The following HERC2 variants were observed in gnomAD, a reference collection of about 807,000 sequenced individuals.
HERC2 encodes the protein E3 ubiquitin-protein ligase HERC2.
A neutral mutation model predicts 537.7 loss-of-function variants in HERC2; 102 were observed. The observed-to-expected ratio is 0.19, with a 90% CI of 0.16 to 0.22. HERC2 has a LOEUF of 0.22. Ranked by LOEUF, HERC2 falls within the 10% of genes least tolerant of loss-of-function variation. The pLI, the probability that HERC2 is intolerant of heterozygous loss-of-function variation, is 1.00. For missense variants in HERC2, 4,236 were observed against 6,198.2 expected (o/e 0.68, Z 10.63); for synonymous variants, 2,224 against 2,466.2 (o/e 0.90, Z 2.91).
chr15:28,317,647 G>C (rs983970996), intron 2 of HERC2, among the ~76,000 whole-genome samples: 8 of 152,216 alleles, frequency 5.3e-5, no homozygotes, highest in African/African-American at 1.9e-4. Context: ...AGGAGTTAGA[G>C]ATGGTGGCAG....
At chr15:28,290,437 C>T (rs904214963) in intron 4 of HERC2, among the ~76,000 whole-genome samples, 3 of 152,094 alleles carry the variant, frequency 2.0e-5, no homozygotes, top group Admixed American at 6.5e-5. Context: ...ACCATGTTGG[C>T]CAGGCTGGTC....
At chr15:28,308,925 G>GT (rs2076865904) in intron 2 of HERC2, among the ~76,000 whole-genome samples, 1 of 152,196 alleles carries the variant, frequency 6.6e-6, no homozygotes, top group Non-Finnish European at 1.5e-5. Context: ...TCTTTCTAAC[G>GT]TATTGCTGAA....
chr15:28,153,131 A>G (rs1037939084), intron 69 of HERC2, among the ~76,000 whole-genome samples: 44 of 152,348 alleles, frequency 2.9e-4, no homozygotes, highest in African/African-American at 9.6e-4. Context: ...AGGCAAGCGG[A>G]TCACCTGAGG....
chr15:28,285,784 CCTCT>C lies in HERC2; in HGVS notation c.323-5501_323-5498del, dbSNP rs550112673. The stretch of plus-strand genomic sequence containing the variant: ...TGATAAGATCAATAAAACTGACAAA[CCTCT>C]CTAAGCATGACTGACAAAAAAAAAA... On this transcript the variant is annotated intron_variant, in intron 4 of 92. Coordinates refer to ENST00000261609, the MANE Select transcript of HERC2 (RefSeq NM_004667.6). Among the ~76,000 whole-genome samples, 408 of 141,128 alleles carry C rather than the reference CCTCT, an allele frequency of 2.9e-3. 2 individuals carry two copies. Among genetic ancestry groups the C allele is most frequent in the Middle Eastern group, 7.4e-3 (2 of 272 alleles). The allele number at this position is 141,128 out of a possible 152,430, so 92.6% of individuals were successfully genotyped here. A position where few individuals can be genotyped will look rare whatever the true frequency, so the allele number is the denominator to read the frequency against.
rs535768603 is a variant in HERC2, at chr15:28,265,570, C to T, written c.1870+48G>A. The T allele has an allele frequency of 5.4e-6, 8 of 1,486,038 alleles. No homozygotes were observed. The South Asian group carries it at 9.1e-5, about 17-fold the overall frequency. The allele number at this position is 1,486,038 out of a possible 1,614,324, so 92.1% of individuals were successfully genotyped here. A position where few individuals can be genotyped will look rare whatever the true frequency, so the allele number is the denominator to read the frequency against. ...ATCTCACTTCCTCCAGGGAAGCTGCCATGCGTGTCCTCGTGGGCCTGTCCA... is the reference window on the plus strand; with the variant it reads ...ATCTCACTTCCTCCAGGGAAGCTGCTATGCGTGTCCTCGTGGGCCTGTCCA... On this transcript the variant is annotated intron_variant, in intron 14 of 92. Transcript: ENST00000261609. The surrounding 1 kb of genome is among the most constrained non-coding windows in gnomAD (Gnocchi z 4.0).
intron 12 of HERC2, among the ~76,000 whole-genome samples, chr15:28,266,314 G>A (rs1390741541): frequency 1.3e-5 from 2 of 152,124 alleles, no homozygotes; most frequent in African/African-American, 4.8e-5. Context: ...TCACGAGTTC[G>A]AGACCAGCCT....
rs149796121 is a variant in HERC2 at position 28,199,225 on chromosome 15, T to C, written c.7717-456A>G. On this transcript the variant is annotated intron_variant, in intron 48 of 92. Transcript: ENST00000261609. ...AATGATAAAGGGAAGAGAAACTCTTTAGAACACTGTCTGGCTTTGTGTCTC... is the reference window on the plus strand; with the variant it reads ...AATGATAAAGGGAAGAGAAACTCTTCAGAACACTGTCTGGCTTTGTGTCTC... Among the ~76,000 whole-genome samples, 593 of 152,302 alleles carry C rather than the reference T, an allele frequency of 3.9e-3. 6 individuals are homozygous for C. The highest frequency in any genetic ancestry group is 0.014 in the African/African-American group (563 of 41,568).
chr15:28,141,880 C>G, intron 76 of HERC2, 34 bp from the exon 77 acceptor site: 2 of 1,469,900 alleles, frequency 1.4e-6, no homozygotes, highest in Non-Finnish European at 1.9e-6. Flanking sequence ...ACAAATCAAA[C>G]ACTTATCTCA....
intron 9 of HERC2, among the ~76,000 whole-genome samples, chr15:28,271,591 C>A (rs971183453): frequency 6.6e-6 from 1 of 152,088 alleles, no homozygotes; most frequent in Non-Finnish European, 1.5e-5. Context: ...ATGGTGTGAA[C>A]CCAGGAGGCC....
At chr15:28,304,753 A>G (rs1161841985) in intron 2 of HERC2, among the ~76,000 whole-genome samples, 1 of 124,104 alleles carries the variant, frequency 8.1e-6, no homozygotes, top group Admixed American at 9.5e-5. Context: ...GTACATGTGC[A>G]CATTGCGCAG....
At chr15:28,204,088 T>C (rs1898151307) in intron 45 of HERC2, among the ~76,000 whole-genome samples, 2 of 152,056 alleles carry the variant, frequency 1.3e-5, no homozygotes, top group South Asian at 4.1e-4. Flanking sequence ...GAACTGCCTG[T>C]GAGAAGAAAA....
intron 83 of HERC2, among the ~76,000 whole-genome samples, chr15:28,128,354 G>A (rs962479697): frequency 1.1e-4 from 16 of 152,192 alleles, no homozygotes; most frequent in African/African-American, 2.4e-4. Context: ...AGCTCAGGAC[G>A]CGGCAGCAGG....
intron 16 of HERC2, among the ~76,000 whole-genome samples, chr15:28,257,671 G>A (rs1227457701): frequency 6.6e-6 from 1 of 151,900 alleles, no homozygotes; most frequent in African/African-American, 2.4e-5. Context: ...GGATCTAAGA[G>A]AACGGTGGAA....
intron 9 of HERC2, among the ~76,000 whole-genome samples, chr15:28,271,497 T>C (rs1372710880): frequency 6.6e-6 from 1 of 152,018 alleles, no homozygotes; most frequent in Non-Finnish European, 1.5e-5. Flanking sequence ...TGAAACCCCA[T>C]CTTTACTAAA....
At position 28,114,677 on chromosome 15, in the gene HERC2, G is replaced by C; in HGVS notation, c.13848C>G (p.Ser4616Arg). Residue 4616 changes from serine to arginine, a missense_variant, in exon 90 of 93, where the codon AGC becomes AGG. Transcript: ENST00000261609. Reference sequence around the variant, plus strand: ...CCAGGGTGATGTGTGTGTGCTTGGAGCTCAACTGAATGTCCTGGCCACTGG... The same window carrying C: ...CCAGGGTGATGTGTGTGTGCTTGGACCTCAACTGAATGTCCTGGCCACTGG... Reference protein sequence around the residue: ...PSASGQDIQLSSKHTHITLDN... With the variant: ...PSASGQDIQLRSKHTHITLDN... The C allele has an allele frequency of 6.2e-7, 1 of 1,614,134 alleles. No homozygotes were observed. The highest frequency in any genetic ancestry group is 8.5e-7 in the Non-Finnish European group (1 of 1,180,028).
intron 56 of HERC2, among the ~76,000 whole-genome samples, 166 bp from the exon 57 acceptor site, chr15:28,182,678 G>GT (rs151098733): frequency 0.077 from 11,648 of 152,128 alleles, 1,529 homozygotes; most frequent in African/African-American, 0.27. Context: ...ATGTACAGGA[G>GT]TAAGTCCTCT....
chr15:28,314,303 C>G (rs1347491592), intron 2 of HERC2, among the ~76,000 whole-genome samples: 1 of 151,986 alleles, frequency 6.6e-6, no homozygotes, highest in Non-Finnish European at 1.5e-5. Flanking sequence ...GAAAGAAGAG[C>G]CTGAGGAATG....
chr15:28,247,462 CTT>C (rs1183663996), intron 21 of HERC2, among the ~76,000 whole-genome samples: 2 of 104,784 alleles, frequency 1.9e-5, no homozygotes, highest in Non-Finnish European at 1.7e-5. Flanking sequence ...GAGTTTCACT[CTT>C]GTCGCCCAGG....
chr15:28,271,929 G>A lies in HERC2; in HGVS notation c.1083+286C>T, dbSNP rs114053641. On this transcript the variant is annotated intron_variant, in intron 9 of 92. Coordinates refer to ENST00000261609, the MANE Select transcript of HERC2 (RefSeq NM_004667.6). ...CTGCACAGAGCCCAGTACATAGGAA[G>A]GACCAACAAAGCAGGCCGCTATTTT... 1,577 of 448,376 alleles carry A rather than the reference G, an allele frequency of 3.5e-3. 29 individuals carry two copies. Among genetic ancestry groups the A allele is most frequent in the African/African-American group, 0.029 (1,450 of 50,322 alleles). The allele number at this position is 448,376 out of a possible 1,614,324, so 27.8% of individuals were successfully genotyped here.
Sources: gnomAD v4.1 joint callset for allele counts (sites outside exome capture counted in the v4.1 genomes callset) on GRCh38, gnomAD v4.1.1 for gene constraint, Gnocchi (gnomAD v3.1) non-coding constraint, MANE v1.5 for transcripts, NCBI Gene and HGNC (gene_info 2026-07-23, HGNC 2026-07-21) for gene names.